DAB1: variants seen among roughly 807,000 people sequenced by gnomAD.
The protein encoded by DAB1 is DAB adaptor protein 1.
DAB1 carries 15 observed loss-of-function variants against 64.6 expected under a neutral mutation model. The observed-to-expected ratio is 0.23, with a 90% CI of 0.16 to 0.36. DAB1 has a LOEUF of 0.36. Among genes scored for constraint, DAB1 ranks in the 10% least tolerant of loss-of-function variants. The pLI is 1.00. For missense variants in DAB1, 596 were observed against 706.7 expected, an observed-to-expected ratio of 0.84 and a Z score of 1.78; for synonymous variants, 235 against 251.9, an observed-to-expected ratio of 0.93 and a Z score of 0.64.
At chr1:57,653,008 C>T (rs748171544) in intron 6 of DAB1, among the ~76,000 whole-genome samples, 1 of 152,154 alleles carries the variant, frequency 6.6e-6, no homozygotes, top group Non-Finnish European at 1.5e-5. Context: ...GAATTTTATT[C>T]CCTCTTAAGT....
chr1:57,086,662 CACACACACACACACACACACACACAT>C (rs1352655742), intron 4 of DAB1, among the ~76,000 whole-genome samples: 1 of 149,786 alleles, frequency 6.7e-6, no homozygotes, highest in Admixed American at 6.7e-5. Context: ...CACACACACA[CACACACACACACACACACACACACAT>C]GAAAAAAACC....
chr1:57,888,418 G>A (rs922797968), upstream of DAB1, among the ~76,000 whole-genome samples: 7 of 152,002 alleles, frequency 4.6e-5, no homozygotes, highest in African/African-American at 1.7e-4. Flanking sequence ...ATTTCCCAGG[G>A]CACCTTCCAT....
chr1:58,055,388 A>G (rs554445504), intron 5 of DAB1, among the ~76,000 whole-genome samples: 82 of 152,112 alleles, frequency 5.4e-4, no homozygotes, highest in African/African-American at 1.8e-3. Flanking sequence ...CTCCATTTAG[A>G]TCTGTGCTCA....
intron 6 of DAB1, among the ~76,000 whole-genome samples, chr1:57,695,295 AG>A: frequency 1.7e-5 from 1 of 60,212 alleles, no homozygotes. Context: ...AAAGGGAGAG[AG>A]AAGGAAAGAA....
At chr1:57,384,193 T>A (rs1681606158) in intron 1 of DAB1, among the ~76,000 whole-genome samples, 1 of 152,188 alleles carries the variant, frequency 6.6e-6, no homozygotes, top group African/African-American at 2.4e-5. Context: ...CACAATGAGA[T>A]ATCACTTCAC....
chr1:57,318,083 T>C (rs1181974548), intron 1 of DAB1, among the ~76,000 whole-genome samples: 5 of 146,744 alleles, frequency 3.4e-5, no homozygotes, highest in African/African-American at 1.3e-4. Context: ...GTCAGAGCCA[T>C]CTACAAATCG....
chr1:57,978,292 C>T (rs12043832), intron 5 of DAB1, among the ~76,000 whole-genome samples: 1 of 152,114 alleles, frequency 6.6e-6, no homozygotes, highest in African/African-American at 2.4e-5. Flanking sequence ...CTTTGACAAA[C>T]CTGAAACAAA....
At chr1:57,845,681 G>A (rs1653248982) in intron 1 of DAB1, among the ~76,000 whole-genome samples, 1 of 152,128 alleles carries the variant, frequency 6.6e-6, no homozygotes, top group South Asian at 2.1e-4. Context: ...CCCAGACAGA[G>A]GAAGAGCCCT....
At chr1:58,281,570 GT>G (rs558086664) in intron 4 of DAB1, among the ~76,000 whole-genome samples, 5 of 150,418 alleles carry the variant, frequency 3.3e-5, no homozygotes, top group African/African-American at 1.2e-4. Flanking sequence ...CAGCAAGAGT[GT>G]TTTTTTTTCT....
At chr1:57,339,152 T>G (rs1007334475) in intron 1 of DAB1, among the ~76,000 whole-genome samples, 126 of 151,212 alleles carry the variant, frequency 8.3e-4, no homozygotes, top group African/African-American at 2.8e-3. Flanking sequence ...TTTTTTTTAA[T>G]TAATTATTAT....
intron 3 of DAB1, among the ~76,000 whole-genome samples, chr1:58,404,067 C>T (rs1644595243): frequency 6.6e-6 from 1 of 152,174 alleles, no homozygotes; most frequent in Admixed American, 6.5e-5. Flanking sequence ...AGAGGTAGAA[C>T]TAGAGCCAAG....
At chr1:57,015,509 C>A in intron 11 of DAB1, 78 bp from the exon 12 acceptor site, 1 of 1,334,728 alleles carries the variant, frequency 7.5e-7, no homozygotes, top group Non-Finnish European at 1.0e-6. Context: ...AGGTAATTGA[C>A]AGAAATGTAT....
chr1:57,081,181 A>T (rs1331414605), intron 4 of DAB1, among the ~76,000 whole-genome samples: 1 of 152,190 alleles, frequency 6.6e-6, no homozygotes, highest in Non-Finnish European at 1.5e-5. Flanking sequence ...ACTGAGGCTC[A>T]GTTTCTTCAT....
At chr1:58,282,743 C>G (rs947442425) in intron 4 of DAB1, among the ~76,000 whole-genome samples, 1 of 152,182 alleles carries the variant, frequency 6.6e-6, no homozygotes, top group Non-Finnish European at 1.5e-5. Context: ...AAATAAAAGA[C>G]ATGCCATTCA....
chr1:57,927,311 CT>C (rs1557560652), intron 5 of DAB1, among the ~76,000 whole-genome samples: 1 of 152,144 alleles, frequency 6.6e-6, no homozygotes, highest in East Asian at 1.9e-4. Context: ...TAGCTTCAGT[CT>C]CAGTCTCCCT....
chr1:57,429,495 G>T (rs370749776), intron 7 of DAB1, among the ~76,000 whole-genome samples: 1 of 152,044 alleles, frequency 6.6e-6, no homozygotes, highest in Admixed American at 6.6e-5. Context: ...TGAGTTTGAT[G>T]TAGCCCCACC....
chr1:57,548,780 CT>C (rs950220330), intron 7 of DAB1, among the ~76,000 whole-genome samples: 18 of 152,144 alleles, frequency 1.2e-4, no homozygotes, highest in African/African-American at 4.1e-4. Flanking sequence ...CAACTTCAGA[CT>C]TAATACATGG....
At chr1:58,293,484 GA>G (rs1661894937) in intron 4 of DAB1, among the ~76,000 whole-genome samples, 1 of 152,198 alleles carries the variant, frequency 6.6e-6, no homozygotes, top group Admixed American at 6.5e-5. Flanking sequence ...GCAGTCATAA[GA>G]AGAGAAAATA....
intron 7 of DAB1, among the ~76,000 whole-genome samples, chr1:57,526,325 G>C (rs894934992): frequency 6.6e-6 from 1 of 152,170 alleles, no homozygotes; most frequent in Non-Finnish European, 1.5e-5. Context: ...ATTTGGAAAA[G>C]CCGTCTAGGA....
Sources: allele counts gnomAD v4.1 joint callset (sites outside exome capture counted in the v4.1 genomes callset), GRCh38; gene constraint gnomAD v4.1.1; transcripts MANE v1.5; gene names NCBI Gene and HGNC (gene_info 2026-07-23, HGNC 2026-07-21).